The following ATP6V0A4 variants were observed in gnomAD, a reference collection of about 807,000 sequenced individuals.
ATP6V0A4 encodes the protein V-type proton ATPase 116 kDa subunit a 4.
In ATP6V0A4, 86 loss-of-function variants were observed where a neutral mutation model predicts 107.3. The ratio of observed to expected loss-of-function variants is 0.80; its 90% confidence interval spans 0.67 to 0.96. ATP6V0A4 has a LOEUF of 0.96. ATP6V0A4 is among the 40% of genes least tolerant of loss of function. The probability of loss-of-function intolerance (pLI) is 0.00; values close to 1 mark genes in which losing one functional copy is unlikely to be tolerated. For missense variants in ATP6V0A4, 908 were observed against 1,045.6 expected, an observed-to-expected ratio of 0.87 and a Z score of 1.81; for synonymous variants, 353 against 381.4, an observed-to-expected ratio of 0.93 and a Z score of 0.87.
chr7:138,745,240 A>G lies in ATP6V0A4; in HGVS notation c.1361T>C (p.Leu454Pro), dbSNP rs776822979. 6.2e-7 allele frequency: 1 copy of G among 1,606,970 alleles called. No homozygotes were observed. Among genetic ancestry groups the G allele is most frequent in the Admixed American group, 1.7e-5 (1 of 59,474 alleles). ...TFFHGRYLIL[L>P]MGIFSIYTGL... ...CGTGTAGATGGAGAAGATGCCCATA[A>G]GTAGGATCAGATAGCGCCCGTGGAA... Residue 454 changes from leucine (L) to proline (P), a missense_variant, in exon 14 of 22, where the codon CTT (leucine) becomes CCT (proline). Leu to Pro is a moderately conservative substitution (Grantham distance 98). Coordinates refer to ENST00000310018, the MANE Select transcript of ATP6V0A4 (RefSeq NM_020632.3).
At chr7:138,797,560 G>A (rs1323498150) in intron 1 of ATP6V0A4, among the ~76,000 whole-genome samples, 2 of 151,786 alleles carry the variant, frequency 1.3e-5, no homozygotes, top group Non-Finnish European at 2.9e-5. Flanking sequence ...AGCAGATGTG[G>A]CCTCCACTGT....
chr7:138,706,802 G>A, intron 21 of ATP6V0A4, 85 bp from the exon 22 acceptor site: 1 of 1,578,602 alleles, frequency 6.3e-7, no homozygotes, highest in Non-Finnish European at 8.6e-7. Flanking sequence ...GAAGGAGGAA[G>A]CAGAGCGTTC....
chr7:138,784,267 C>A (rs796680861), intron 2 of ATP6V0A4, among the ~76,000 whole-genome samples: 1 of 119,316 alleles, frequency 8.4e-6, no homozygotes, highest in Non-Finnish European at 1.6e-5. Context: ...TATATATATA[C>A]ATATATATAT....
chr7:138,707,097 A>AGTGTGTGTGTGTGTG (rs1562972241), intron 21 of ATP6V0A4, among the ~76,000 whole-genome samples: 53 of 47,010 alleles, frequency 1.1e-3, no homozygotes, highest in African/African-American at 7.0e-3. Flanking sequence ...TGTGTGTATA[A>AGTGTGTGTGTGTGTG]TATATCATAT....
intron 20 of ATP6V0A4, among the ~76,000 whole-genome samples, chr7:138,711,226 G>C (rs1288745951): frequency 4.6e-5 from 7 of 152,238 alleles, no homozygotes; most frequent in Non-Finnish European, 8.8e-5. Flanking sequence ...TGAGGGGAGT[G>C]AAATCCAAGA....
intron 1 of ATP6V0A4, 107 bp downstream of exon 1, chr7:138,797,926 AG>A (rs1436276063): frequency 6.7e-7 from 1 of 1,489,744 alleles, no homozygotes. Context: ...AAGGTGTGAC[AG>A]GCCAAGTTTC....
At chr7:138,764,707 C>T (rs920182024) in intron 5 of ATP6V0A4, among the ~76,000 whole-genome samples, 4 of 152,110 alleles carry the variant, frequency 2.6e-5, no homozygotes, top group East Asian at 1.9e-4. Context: ...TCACAATAAA[C>T]GGAAATGGAT....
intron 15 of ATP6V0A4, among the ~76,000 whole-genome samples, chr7:138,735,094 C>T (rs907052949): frequency 6.6e-6 from 1 of 152,094 alleles, no homozygotes; most frequent in Non-Finnish European, 1.5e-5. Flanking sequence ...TGTCCTGCCC[C>T]AAATGATATC....
At chr7:138,787,615 G>A (rs757385247) in intron 1 of ATP6V0A4, among the ~76,000 whole-genome samples, 22 of 152,044 alleles carry the variant, frequency 1.4e-4, no homozygotes, top group African/African-American at 3.9e-4. Context: ...TTGCACCTGC[G>A]AATAGCCACT....
Position 138,762,347 on chromosome 7 carries a change from T to G in ATP6V0A4, c.505A>C (p.Lys169Gln), listed in dbSNP as rs1411597078. 4 of 1,613,994 alleles carry G rather than the reference T, an allele frequency of 2.5e-6. No individual in the cohort carries two copies. The African/African-American group carries it at 5.3e-5, about 22-fold the overall frequency. ...LKAVPAYMTG[K>Q]LGFIAGVINR... is the part of the protein sequence containing the mutation. ...CACAAGAATTACACTAACCCCAACTTTCCGGTCATATATGCAGGCACTGCT... is the reference window on the plus strand; with the variant it reads ...CACAAGAATTACACTAACCCCAACTGTCCGGTCATATATGCAGGCACTGCT... The change falls in exon 7 of 22, where the codon AAG (lysine) becomes CAG (glutamine). Residue 169 changes from lysine to glutamine, a missense_variant. Lys to Gln is a moderately conservative substitution (Grantham distance 53). Transcript: ENST00000310018.
At position 138,714,577 on chromosome 7, in the gene ATP6V0A4, GA is replaced by G. The variant is rs1562977569; in HGVS notation, c.2257+1186del. Among the ~76,000 whole-genome samples the G allele has an allele frequency of 8.9e-3, 1,357 of 152,196 alleles. 27 individuals carry two copies. Among genetic ancestry groups the G allele is most frequent in the African/African-American group, 0.031 (1,302 of 41,508 alleles). On this transcript the variant is annotated intron_variant, in intron 20 of 21. Coordinates refer to ENST00000310018, the MANE Select transcript of ATP6V0A4 (RefSeq NM_020632.3). ...AGATAGATAGACAGACAGACAGACA[GA>G]CAGACAGGCAGATGATAGATAGATA... is the stretch of plus-strand genomic sequence containing the variant.
chr7:138,797,632 A>T (rs1584960745), intron 1 of ATP6V0A4, among the ~76,000 whole-genome samples: 2 of 152,030 alleles, frequency 1.3e-5, no homozygotes, highest in African/African-American at 2.4e-5. Flanking sequence ...GGGTTGAATG[A>T]TGCGTGTTTG....
chr7:138,711,783 C>T (rs189976629), intron 20 of ATP6V0A4, among the ~76,000 whole-genome samples: 2 of 152,352 alleles, frequency 1.3e-5, no homozygotes, highest in Non-Finnish European at 2.9e-5. Flanking sequence ...AACTCACATA[C>T]GCAGACTTTC....
chr7:138,757,384 T>G (rs1401205161), intron 8 of ATP6V0A4, among the ~76,000 whole-genome samples: 1 of 151,966 alleles, frequency 6.6e-6, no homozygotes, highest in Non-Finnish European at 1.5e-5. Context: ...AGTGTGGTGG[T>G]GCTCACCTGT....
intron 21 of ATP6V0A4, among the ~76,000 whole-genome samples, chr7:138,707,315 T>C: frequency 1.4e-5 from 1 of 73,264 alleles, no homozygotes; most frequent in Admixed American, 2.4e-4. Context: ...TATATTTATT[T>C]ATATTTATAT....
intron 1 of ATP6V0A4, among the ~76,000 whole-genome samples, chr7:138,790,816 T>C (rs1385403268): frequency 6.6e-6 from 1 of 152,178 alleles, no homozygotes; most frequent in Non-Finnish European, 1.5e-5. Flanking sequence ...GAGACCGGAA[T>C]GACATGATAG....
At chr7:138,792,766 G>GTTTTTTGT (rs1808474812) in intron 1 of ATP6V0A4, among the ~76,000 whole-genome samples, 27 of 68,700 alleles carry the variant, frequency 3.9e-4, no homozygotes, top group African/African-American at 1.1e-3. Context: ...ACTCAGGTTT[G>GTTTTTTGT]TTTTTTTTTT....
intron 1 of ATP6V0A4, among the ~76,000 whole-genome samples, chr7:138,794,165 T>G (rs1808548760): frequency 6.6e-6 from 1 of 152,102 alleles, no homozygotes; most frequent in East Asian, 1.9e-4. Flanking sequence ...CTGACATTAT[T>G]TTGTAAAAAC....
intron 18 of ATP6V0A4, among the ~76,000 whole-genome samples, chr7:138,725,074 C>A (rs572794462): frequency 1.3e-5 from 2 of 152,226 alleles, no homozygotes; most frequent in African/African-American, 4.8e-5. Context: ...AGTTCAAGAC[C>A]AGCTTGGGCA....
Sources: allele counts gnomAD v4.1 joint callset (sites outside exome capture counted in the v4.1 genomes callset), GRCh38; gene constraint gnomAD v4.1.1; transcripts MANE v1.5; gene names NCBI Gene and HGNC (gene_info 2026-07-23, HGNC 2026-07-21).